The following ADAT1 variants were observed in gnomAD, a reference collection of about 807,000 sequenced individuals.
The protein encoded by ADAT1 is adenosine deaminase tRNA specific 1, also known as tRNA-specific adenosine deaminase 1.
Under a neutral mutation model 58.6 loss-of-function variants are expected in ADAT1, and 58 were observed. The observed-to-expected ratio is 0.99, with a 90% CI of 0.80 to 1.23. ADAT1 has a LOEUF of 1.23. Ranked by LOEUF, ADAT1 falls within the 50% of genes most tolerant of loss-of-function variation. The probability of loss-of-function intolerance (pLI) is 0.00; values close to 1 mark genes in which losing one functional copy is unlikely to be tolerated. For synonymous variants in ADAT1, 254 were observed against 220.8 expected, an observed-to-expected ratio of 1.15 and a Z score of -1.33; for missense variants, 741 against 608.6, an observed-to-expected ratio of 1.22 and a Z score of -2.29.
In ADAT1 at chr16:75,600,274, C is replaced by T. The variant is rs764367463; in HGVS notation, c.1451G>A (p.Arg484Gln). 61 of 1,614,134 alleles carry T rather than the reference C, an allele frequency of 3.8e-5. 1 individual carries two copies. In the Middle Eastern group the frequency reaches 8.2e-4, roughly 22 times the overall value. The change falls in exon 10 of 10, where the codon CGG (arginine) becomes CAG (glutamine). Residue 484 changes from arginine to glutamine, a missense_variant. Physicochemically the swap from Arg to Gln is conservative, Grantham distance 43. Transcript: ENST00000564657. ...GATCCAGGATCCAAACACCTGCTTC[C>T]GGAGTGTGCTCCAGGCTTCCTGGTA... is the stretch of plus-strand genomic sequence containing the variant. ...SSYQEAWSTL[R>Q]KQVFGSWIRN...
Position 75,599,416 on chromosome 16 carries a change from G to GT in ADAT1, c.*799dup. On this transcript the variant is annotated 3_prime_UTR_variant, in exon 10 of 10. Transcript: ENST00000564657. ...CTTTTTGGACAGAACTCTTTCAATT[G>GT]TAAGTCAGAAAACCAACACAAACAG... 1 of 985,730 alleles carries GT rather than the reference G, an allele frequency of 1.0e-6. No homozygotes were observed. The highest frequency in any genetic ancestry group is 1.2e-6 in the Non-Finnish European group (1 of 829,908). The allele number at this position is 985,730 out of a possible 1,614,324, so 61.1% of individuals were successfully genotyped here.
rs1288947680 is a variant in ADAT1 at position 75,617,969 on chromosome 16, C to T, written c.293+617G>A. 4.7e-5 allele frequency among the ~76,000 whole-genome samples: 7 copies of T among 149,420 alleles called. No individual in the cohort carries two copies. In the East Asian group the frequency reaches 9.9e-4, roughly 21 times the overall value. ...AAAGTTAGCTGGGTGTGGTGGCATGCGCCTGTAACCCCAGCTATTCAGGAG... is the reference window on the plus strand; with the variant it reads ...AAAGTTAGCTGGGTGTGGTGGCATGTGCCTGTAACCCCAGCTATTCAGGAG... On this transcript the variant is annotated intron_variant, in intron 4 of 9. Coordinates refer to ENST00000564657, the MANE Select transcript of ADAT1 (RefSeq NM_001324445.2).
chr16:75,612,382 T>G lies in ADAT1; in HGVS notation c.904A>C (p.Lys302Gln), dbSNP rs765765386. 1.4e-5 allele frequency: 23 copies of G among 1,614,126 alleles called. No homozygotes were observed. Among genetic ancestry groups the G allele is most frequent in the Non-Finnish European group, 1.9e-5 (23 of 1,180,052 alleles). The change falls in exon 6 of 10, where the codon AAG becomes CAG. Residue 302 changes from lysine to glutamine, a missense_variant. Lys to Gln is a moderately conservative substitution (Grantham distance 53). Coordinates refer to ENST00000564657, the MANE Select transcript of ADAT1 (RefSeq NM_001324445.2). ...DRTRSMSCSD[K>Q]MARWNVLGCQ... is the part of the protein sequence containing the mutation. ...CCGAGGACGTTCCATCGGGCCATCTTGTCACTACAGGACATGGAGCGTGTT... is the reference window on the plus strand; with the variant it reads ...CCGAGGACGTTCCATCGGGCCATCTGGTCACTACAGGACATGGAGCGTGTT...
chr16:75,603,018 T>C, intron 9 of ADAT1, 67 bp downstream of exon 9: 16 of 1,443,294 alleles, frequency 1.1e-5, no homozygotes, highest in Non-Finnish European at 1.5e-5. Flanking sequence ...AGCTTCTTGC[T>C]ACTCAGAAGC....
At chr16:75,612,940 T>G in intron 5 of ADAT1, 79 bp from the exon 6 acceptor site, 1 of 1,517,926 alleles carries the variant, frequency 6.6e-7, no homozygotes, top group Non-Finnish European at 8.8e-7. Flanking sequence ...CTCTTGGGAA[T>G]TCATCAGAAA....
chr16:75,608,886 T>G lies in ADAT1; in HGVS notation c.1146A>C (p.Ala382=), dbSNP rs759308815. Residue 382 remains alanine, a synonymous_variant, in exon 7 of 10, where the codon GCA becomes GCC. Transcript: ENST00000564657. ...LFEQSRSAVQ[A]KRADSPGRLV... ...GTCGACCTGGGCTATCAGCCCTTTT[T>G]GCCTGCACCGCACTGCGGCTCTGTT... 1 of 1,614,208 alleles carries G rather than the reference T, an allele frequency of 6.2e-7. No homozygotes were observed.
intron 3 of ADAT1, among the ~76,000 whole-genome samples, chr16:75,619,205 C>A (rs2081848134): frequency 1.3e-5 from 2 of 152,084 alleles, no homozygotes. Flanking sequence ...AAAGAGGAAC[C>A]TGCTAGCTAG....
At position 75,612,703 on chromosome 16, in the gene ADAT1, T is replaced by C; in HGVS notation, c.583A>G (p.Lys195Glu). The change falls in exon 6 of 10, where the codon AAA becomes GAA. Residue 195 changes from lysine to glutamate, a missense_variant. Coordinates refer to ENST00000564657, the MANE Select transcript of ADAT1 (RefSeq NM_001324445.2). Reference protein sequence around the residue: ...KCEDPDSPVTKKMRLEPGTAA... With the variant: ...KCEDPDSPVTEKMRLEPGTAA... ...GTCCCAGGCTCAAGCCTCATCTTTT[T>C]GGTTACAGGACTGTCAGGGTCTTCA... 1 of 1,614,110 alleles carries C rather than the reference T, an allele frequency of 6.2e-7. No homozygotes were observed. Among genetic ancestry groups the C allele is most frequent in the Non-Finnish European group, 8.5e-7 (1 of 1,180,018 alleles).
At chr16:75,616,577 C>T (rs897754737) in intron 5 of ADAT1, among the ~76,000 whole-genome samples, 5 of 152,126 alleles carry the variant, frequency 3.3e-5, no homozygotes, top group Non-Finnish European at 4.4e-5. Flanking sequence ...AATGACACCC[C>T]CTTCACCCCA....
Position 75,599,146 on chromosome 16 carries a change from A to G in ADAT1, c.*1070T>C. Reference sequence around the variant, plus strand: ...ACCCAGGCTGGAGTGCAGCGGTACGATCTTTGCTCACCACTACCTCCGCCT... The same window carrying G: ...ACCCAGGCTGGAGTGCAGCGGTACGGTCTTTGCTCACCACTACCTCCGCCT... On this transcript the variant is annotated 3_prime_UTR_variant, in exon 10 of 10. Coordinates refer to ENST00000564657, the MANE Select transcript of ADAT1 (RefSeq NM_001324445.2). 1.0e-6 allele frequency: 1 copy of G among 955,956 alleles called. No individual in the cohort carries two copies. Among genetic ancestry groups the G allele is most frequent in the Non-Finnish European group, 1.2e-6 (1 of 819,066 alleles). The allele number at this position is 955,956 out of a possible 1,614,324, so 59.2% of individuals were successfully genotyped here.
chr16:75,620,727 G>T lies in ADAT1; in HGVS notation c.73C>A (p.Pro25Thr), dbSNP rs1478224961. The part of the protein sequence containing the change: ...YGIRLPKKGK[P>T]EPNHEWTLLA... ...AATGTCCACTCATGGTTTGGCTCAG[G>T]CTTCCCCTTCTTGGGCAGCCTGATC... The change falls in exon 2 of 10, where the codon CCT (proline) becomes ACT (threonine). Residue 25 changes from proline to threonine, a missense_variant. Physicochemically the swap from Pro to Thr is conservative, Grantham distance 38 (BLOSUM62 -1). Coordinates refer to ENST00000564657, the MANE Select transcript of ADAT1 (RefSeq NM_001324445.2). The T allele has an allele frequency of 1.3e-5, 21 of 1,614,162 alleles. No homozygotes were observed. In the East Asian group the frequency reaches 4.2e-4, roughly 33 times the overall value.
chr16:75,606,810 T>C (rs754851731), intron 8 of ADAT1, among the ~76,000 whole-genome samples: 7 of 152,190 alleles, frequency 4.6e-5, no homozygotes, highest in African/African-American at 1.2e-4. Context: ...ATCTGTTACA[T>C]AGAAACAGAT....
In ADAT1 at chr16:75,619,190, A is replaced by C. The variant is rs560814707; in HGVS notation, c.239-550T>G. The stretch of plus-strand genomic sequence containing the variant: ...TAAGGCAAGGAGAATGGTAGAAGCC[A>C]ACTCAAAGAGGAACCTGCTAGCTAG... On this transcript the variant is annotated intron_variant, in intron 3 of 9. Coordinates refer to ENST00000564657, the MANE Select transcript of ADAT1 (RefSeq NM_001324445.2). Among the ~76,000 whole-genome samples the C allele has an allele frequency of 1.6e-4, 24 of 152,280 alleles. No individual in the cohort carries two copies. The South Asian group carries it at 4.8e-3, about 30-fold the overall frequency.
rs1468732228 is a variant in ADAT1, at chr16:75,597,736, T to C, written c.*2480A>G. ...AAGACACTGACAGATCATCAGGCAT[T>C]ATATTCTCATAAGGAGTGTGCAACC... is the stretch of plus-strand genomic sequence containing the variant. On this transcript the variant is annotated 3_prime_UTR_variant, in exon 10 of 10. Transcript: ENST00000564657. 1.3e-5 allele frequency among the ~76,000 whole-genome samples: 2 copies of C among 152,176 alleles called. No homozygotes were observed. Among genetic ancestry groups the C allele is most frequent in the Non-Finnish European group, 2.9e-5 (2 of 68,038 alleles).
In ADAT1 at chr16:75,620,333, C is replaced by T; in HGVS notation, c.171G>A (p.Val57=). 6.2e-7 allele frequency: 1 copy of T among 1,614,044 alleles called. No individual in the cohort carries two copies. The highest frequency in any genetic ancestry group is 1.6e-4 in the Middle Eastern group (1 of 6,062). The change falls in exon 3 of 10, where the codon GTG becomes GTA. Residue 57 remains valine (V), a splice_region_variant and synonymous_variant. Transcript: ENST00000564657. ...TTCCCATTGACACAACTTCCTTTGT[C>T]ACTGTGGGAAAAAAACAAATCGTGT... ...ACDTPDKPVQ[V]TKEVVSMGTG...
At chr16:75,604,021 C>G (rs755133883) in intron 8 of ADAT1, among the ~76,000 whole-genome samples, 13 of 152,158 alleles carry the variant, frequency 8.5e-5, no homozygotes, top group Non-Finnish European at 4.4e-5. Flanking sequence ...AGACACTGCT[C>G]TCCCAGGGCC....
intron 1 of ADAT1, among the ~76,000 whole-genome samples, chr16:75,621,287 CAG>C (rs1381571677): frequency 1.6e-5 from 2 of 125,522 alleles, no homozygotes; most frequent in Admixed American, 1.1e-4. Flanking sequence ...TCCCCTACAG[CAG>C]AGTGTTTCTC....
At position 75,612,857 on chromosome 16, in the gene ADAT1, C is replaced by T. The variant is rs1239125018; in HGVS notation, c.429G>A (p.Gly143=). ...FVFFSSHTPC[G]DASIIPMLEF... ...CAAGCATCGGAATGATGGAGGCATC[C>T]CCACCTGCAGAGAATGAACCCACTT... The change falls in exon 6 of 10, where the codon GGG becomes GGA. Residue 143 remains glycine (G), a synonymous_variant. Transcript: ENST00000564657. 6.2e-7 allele frequency: 1 copy of T among 1,613,202 alleles called. No individual in the cohort carries two copies. Among genetic ancestry groups the T allele is most frequent in the Admixed American group, 1.7e-5 (1 of 59,840 alleles).
In ADAT1 at chr16:75,611,599, C is replaced by T. The variant is rs546936526; in HGVS notation, c.1043+644G>A. Among the ~76,000 whole-genome samples the T allele has an allele frequency of 4.2e-4, 64 of 152,040 alleles. 1 individual carries two copies. Among genetic ancestry groups the T allele is most frequent in the Admixed American group, 9.2e-4 (14 of 15,258 alleles). On this transcript the variant is annotated intron_variant, in intron 6 of 9. Transcript: ENST00000564657. ...GTTTCCTCATGTTACCTAGGCTGGT[C>T]TAGAACTTCTGTGCTCAAGCAATCC...
Sources: gnomAD v4.1 joint callset for allele counts (sites outside exome capture counted in the v4.1 genomes callset) on GRCh38, gnomAD v4.1.1 for gene constraint, MANE v1.5 for transcripts, NCBI Gene and HGNC (gene_info 2026-07-23, HGNC 2026-07-21) for gene names.